Variants in ADAMTS7 observed in about 807,000 individuals in gnomAD.
The protein encoded by ADAMTS7 is A disintegrin and metalloproteinase with thrombospondin motifs 7.
ADAMTS7 carries 89 observed loss-of-function variants against 172.6 expected under a neutral mutation model. The ratio of observed to expected loss-of-function variants is 0.52; its 90% CI spans 0.43 to 0.61. The LOEUF (loss-of-function observed/expected upper bound fraction) is 0.61. ADAMTS7 is among the 20% of genes least tolerant of loss of function. The pLI, the probability that ADAMTS7 is intolerant of heterozygous loss-of-function variation, is 0.00. For missense variants in ADAMTS7, 1,973 were observed against 2,355.6 expected (o/e 0.84, Z 3.36); for synonymous variants, 885 against 978.4 (o/e 0.90, Z 1.78).
Position 78,794,630 on chromosome 15 carries a change from G to T in ADAMTS7, c.819+1960C>A, listed in dbSNP as rs539874983. 7.2e-5 allele frequency among the ~76,000 whole-genome samples: 11 copies of T among 152,364 alleles called. No individual in the cohort carries two copies. The East Asian group carries it at 1.9e-3, about 27-fold the overall frequency. On this transcript the variant is annotated intron_variant, in intron 4 of 23. Coordinates refer to ENST00000388820, the MANE Select transcript of ADAMTS7 (RefSeq NM_014272.5). ...AGCCAGGGCAAGGCAGCCAGGAAGG[G>T]GCCAGGCCCTGGGGCAAAAACACCT...
At position 78,763,909 on chromosome 15, in the gene ADAMTS7, C is replaced by T; in HGVS notation, c.4593+17G>A. Reference sequence around the variant, plus strand: ...CTGAGGGCGTCCCCTCCCCCCAACTCAACGGCCAGGCCTCACCTCCCTCCA... The same window carrying T: ...CTGAGGGCGTCCCCTCCCCCCAACTTAACGGCCAGGCCTCACCTCCCTCCA... On this transcript the variant is annotated intron_variant, in intron 21 of 23. Transcript: ENST00000388820. The T allele has an allele frequency of 6.4e-7, 1 of 1,556,504 alleles. No individual in the cohort carries two copies. Among genetic ancestry groups the T allele is most frequent in the Non-Finnish European group, 8.7e-7 (1 of 1,152,552 alleles).
At chr15:78,775,032 G>A (rs1378505894) in intron 11 of ADAMTS7, among the ~76,000 whole-genome samples, 1 of 152,234 alleles carries the variant, frequency 6.6e-6, no homozygotes, top group Non-Finnish European at 1.5e-5. Flanking sequence ...CCAACCTACA[G>A]TGTGACCGTG....
rs201848988 is a variant in ADAMTS7, at chr15:78,800,217, G to A, written c.431C>T (p.Ala144Val). 1.1e-3 allele frequency: 1,684 copies of A among 1,594,108 alleles called. 1 individual carries two copies. The highest frequency in any genetic ancestry group is 1.2e-3 in the Non-Finnish European group (1,459 of 1,178,576). ...VQDPELEGGL[A>V]AISACDGLKG... ...CAGGCCGTCGCAGGCGCTGATGGCC[G>A]CCAGGCCACCCTCGAGCTCAGGGTC... is the stretch of plus-strand genomic sequence containing the variant. Residue 144 changes from alanine (A) to valine (V), a missense_variant, in exon 2 of 24, where the codon GCG becomes GTG. Ala to Val is a moderately conservative substitution (Grantham distance 64). Around this residue, in one of 8 missense-constraint regions of ADAMTS7, gnomAD observed 306 missense variants for 288.0 expected, o/e 1.06. Coordinates refer to ENST00000388820, the MANE Select transcript of ADAMTS7 (RefSeq NM_014272.5).
intron 23 of ADAMTS7, among the ~76,000 whole-genome samples, chr15:78,760,909 GT>G (rs1409523217): frequency 6.6e-6 from 1 of 152,050 alleles, no homozygotes; most frequent in African/African-American, 2.4e-5. Flanking sequence ...TGGGCCATCC[GT>G]CCTTGGTTCT....
chr15:78,775,107 T>C (rs4887101), intron 11 of ADAMTS7, among the ~76,000 whole-genome samples: 41,193 of 152,002 alleles, frequency 0.27, 7,083 homozygotes, highest in Middle Eastern at 0.4. Flanking sequence ...TGGGGCTGCT[T>C]CTGCAGAGGG....
intron 6 of ADAMTS7, 23 bp from the exon 7 acceptor site, chr15:78,789,861 T>G: frequency 1.3e-6 from 2 of 1,562,712 alleles, no homozygotes; most frequent in Non-Finnish European, 8.7e-7. Context: ...AGAAGCAGCC[T>G]TCAGGCTAAC....
intron 4 of ADAMTS7, 92 bp downstream of exon 4, chr15:78,796,498 C>T (rs1464777461): frequency 2.1e-6 from 3 of 1,448,534 alleles, no homozygotes; most frequent in East Asian, 2.3e-5. Flanking sequence ...GTCTGGGGTC[C>T]AGCCTGACAG....
At chr15:78,788,147 C>A in intron 8 of ADAMTS7, 84 bp downstream of exon 8, 1 of 1,549,722 alleles carries the variant, frequency 6.5e-7, no homozygotes, top group South Asian at 1.2e-5. Flanking sequence ...CTACCCCGGC[C>A]CTGCAGTATG....
chr15:78,765,713 C>G lies in ADAMTS7; in HGVS notation c.4198G>C (p.Glu1400Gln). ...ETQPLAPSLA[E>Q]AGPPADPLVV... ...AACGGGTCCGCGGGGGGCCCCGCTT[C>G]AGCCAGGCTGGGAGCCAGCGGCTGG... is the stretch of plus-strand genomic sequence containing the variant. Residue 1400 changes from glutamate (E) to glutamine (Q), a missense_variant, in exon 19 of 24, where the codon GAA becomes CAA. Glu to Gln is a conservative substitution (Grantham distance 29). Coordinates refer to ENST00000388820, the MANE Select transcript of ADAMTS7 (RefSeq NM_014272.5). 1 of 1,610,688 alleles carries G rather than the reference C, an allele frequency of 6.2e-7. No homozygotes were observed. The highest frequency in any genetic ancestry group is 8.5e-7 in the Non-Finnish European group (1 of 1,179,784).
chr15:78,781,059 G>A (rs1282906410), intron 8 of ADAMTS7, among the ~76,000 whole-genome samples: 3 of 152,320 alleles, frequency 2.0e-5, no homozygotes, highest in Non-Finnish European at 1.5e-5. Context: ...ATTCAGCCCT[G>A]TGGGTCTACC....
rs180716912 is a variant in ADAMTS7, at chr15:78,787,619, G to A, written c.1322+612C>T. Among the ~76,000 whole-genome samples, 164 of 152,202 alleles carry A rather than the reference G, an allele frequency of 1.1e-3. 1 individual carries two copies. The highest frequency in any genetic ancestry group is 3.6e-3 in the African/African-American group (151 of 41,500). On this transcript the variant is annotated intron_variant, in intron 8 of 23. Coordinates refer to ENST00000388820, the MANE Select transcript of ADAMTS7 (RefSeq NM_014272.5). ...GCGGAGGTTGCAGTGAGTCAAGATC[G>A]TGCCATTGCATTCCAGCCTGGGCAA... is the stretch of plus-strand genomic sequence containing the variant.
rs200848655 is a variant in ADAMTS7 at position 78,765,986 on chromosome 15, A to G, written c.3925T>C (p.Ser1309Pro). The stretch of plus-strand genomic sequence containing the variant: ...AAGGAGGGAGTCCCCGGCTCCAGGG[A>G]ACTGTCCCTGACCTTCATCTCTGGC... ...PLPEMKVRDS[S>P]LEPGTPSFPT... The change falls in exon 19 of 24, where the codon TCC (serine) becomes CCC (proline). Residue 1309 changes from serine to proline, a missense_variant. Coordinates refer to ENST00000388820, the MANE Select transcript of ADAMTS7 (RefSeq NM_014272.5). 5.6e-6 allele frequency: 9 copies of G among 1,599,002 alleles called. No individual in the cohort carries two copies. Among genetic ancestry groups the G allele is most frequent in the Admixed American group, 5.3e-5 (3 of 56,452 alleles).
At chr15:78,784,996 A>T (rs1468890779) in intron 8 of ADAMTS7, among the ~76,000 whole-genome samples, 2 of 151,742 alleles carry the variant, frequency 1.3e-5, no homozygotes, top group Non-Finnish European at 1.5e-5. Context: ...ACCTCCCCAT[A>T]AAAAAAGTAG....
In ADAMTS7 at chr15:78,768,125, G is replaced by A. The variant is rs756207146; in HGVS notation, c.2645+8C>T. The A allele has an allele frequency of 3.5e-5, 54 of 1,554,710 alleles. No homozygotes were observed. Among genetic ancestry groups the A allele is most frequent in the African/African-American group, 6.9e-5 (5 of 72,750 alleles). ...TGGGGAGTTGGCGGGGGATGGGGGC[G>A]GGCTCACCTGGCAGGGCAGGGCTGC... is the stretch of plus-strand genomic sequence containing the variant. On this transcript the variant is annotated splice_region_variant and intron_variant, in intron 17 of 23. Coordinates refer to ENST00000388820, the MANE Select transcript of ADAMTS7 (RefSeq NM_014272.5).
intron 1 of ADAMTS7, among the ~76,000 whole-genome samples, chr15:78,808,533 G>A (rs1018773161): frequency 6.6e-6 from 1 of 152,096 alleles, no homozygotes; most frequent in East Asian, 1.9e-4. Flanking sequence ...ACTGCAGCCC[G>A]CCAGCATTAC....
chr15:78,808,555 G>A (rs2055825864), intron 1 of ADAMTS7, among the ~76,000 whole-genome samples: 1 of 152,154 alleles, frequency 6.6e-6, no homozygotes, highest in African/African-American at 2.4e-5. Context: ...TTTTTTTATA[G>A]TGAACTTGTA....
At chr15:78,800,734 C>A (rs1360817572) in intron 1 of ADAMTS7, among the ~76,000 whole-genome samples, 187 bp from the exon 2 acceptor site, 1 of 152,194 alleles carries the variant, frequency 6.6e-6, no homozygotes, top group Non-Finnish European at 1.5e-5. Flanking sequence ...CCATCTGGAT[C>A]GTTGCAGTAA....
chr15:78,783,442 TG>T (rs2055459981), intron 8 of ADAMTS7, among the ~76,000 whole-genome samples: 1 of 133,312 alleles, frequency 7.5e-6, no homozygotes, highest in Non-Finnish European at 1.8e-5. Flanking sequence ...GCTAATTTTT[TG>T]TATTTTTTTT....
chr15:78,793,677 A>G (rs527457344), intron 4 of ADAMTS7, among the ~76,000 whole-genome samples: 90 of 152,320 alleles, frequency 5.9e-4, no homozygotes, highest in South Asian at 2.1e-3. Context: ...GTGTAGGATC[A>G]TGCTCTTCCA....
Sources: gnomAD v4.1 joint callset for allele counts (sites outside exome capture counted in the v4.1 genomes callset) on GRCh38, gnomAD v4.1.1 for gene constraint, gnomAD v4.1.1 regional missense constraint, MANE v1.5 for transcripts, NCBI Gene and HGNC (gene_info 2026-07-23, HGNC 2026-07-21) for gene names.